The following CHRM3 variants were observed in gnomAD, a reference collection of about 807,000 sequenced individuals.
The protein encoded by CHRM3 is cholinergic receptor muscarinic 3, also known as muscarinic acetylcholine receptor M3.
In CHRM3, 11 loss-of-function variants were observed where a neutral mutation model predicts 41.8. The ratio of observed to expected loss-of-function variants is 0.26; its 90% CI spans 0.17 to 0.44. CHRM3 has a LOEUF of 0.44. CHRM3 is among the 20% of genes least tolerant of loss of function. The probability of loss-of-function intolerance (pLI) is 1.00; values close to 1 mark genes in which losing one functional copy is unlikely to be tolerated. For missense variants in CHRM3, 571 were observed against 745.4 expected, an observed-to-expected ratio of 0.77 and a Z score of 2.72; for synonymous variants, 297 against 301.4, an observed-to-expected ratio of 0.99 and a Z score of 0.15.
At chr1:239,716,363 T>A (rs992952860) in intron 5 of CHRM3, among the ~76,000 whole-genome samples, 1 of 152,046 alleles carries the variant, frequency 6.6e-6, no homozygotes, top group Non-Finnish European at 1.5e-5. Context: ...GGGGTCTCCA[T>A]GATTGTGACT....
chr1:239,577,161 T>A (rs1419414891), intron 3 of CHRM3, among the ~76,000 whole-genome samples: 1 of 152,162 alleles, frequency 6.6e-6, no homozygotes, highest in Non-Finnish European at 1.5e-5. Context: ...ATTTTTTCTC[T>A]ACTTGTGTTG....
chr1:239,543,124 T>C (rs73116735), intron 2 of CHRM3, among the ~76,000 whole-genome samples: 1,802 of 152,314 alleles, frequency 0.012, 28 homozygotes, highest in African/African-American at 0.041. Flanking sequence ...TTCTGAAGAA[T>C]GGCACCTTTA....
intron 1 of CHRM3, among the ~76,000 whole-genome samples, chr1:239,460,463 T>C (rs1445522084): frequency 1.3e-5 from 2 of 152,178 alleles, no homozygotes; most frequent in African/African-American, 2.4e-5. Context: ...TAGTAGGTTG[T>C]TTTTAATCCA....
intron 5 of CHRM3, among the ~76,000 whole-genome samples, chr1:239,823,923 G>A (rs1040353225): frequency 3.9e-5 from 6 of 152,098 alleles, no homozygotes; most frequent in African/African-American, 9.7e-5. Context: ...AATTGTGGGC[G>A]GAATTAGATC....
At chr1:239,881,084 C>G (rs1677552817) in intron 6 of CHRM3, among the ~76,000 whole-genome samples, 1 of 151,900 alleles carries the variant, frequency 6.6e-6, no homozygotes, top group Non-Finnish European at 1.5e-5. Flanking sequence ...GAGATCGAGA[C>G]CATCCTGGCT....
At chr1:239,753,035 T>C (rs1044682955) in intron 5 of CHRM3, among the ~76,000 whole-genome samples, 7 of 152,168 alleles carry the variant, frequency 4.6e-5, no homozygotes, top group Non-Finnish European at 1.0e-4. Context: ...AAAGAACTAT[T>C]TGGGTAATCT....
At chr1:239,681,189 G>A (rs1558448440) in intron 5 of CHRM3, among the ~76,000 whole-genome samples, 1 of 152,116 alleles carries the variant, frequency 6.6e-6, no homozygotes, top group Non-Finnish European at 1.5e-5. Context: ...TTCAAATTGG[G>A]TTTTGGGTGG....
chr1:239,564,045 T>G (rs1661127409), intron 3 of CHRM3, among the ~76,000 whole-genome samples: 1 of 152,210 alleles, frequency 6.6e-6, no homozygotes, highest in Admixed American at 6.5e-5. Flanking sequence ...CGAGATTCTT[T>G]AATGAGACAA....
chr1:239,787,069 A>T (rs1274393945), intron 5 of CHRM3, among the ~76,000 whole-genome samples: 2 of 152,228 alleles, frequency 1.3e-5, no homozygotes, highest in Admixed American at 6.5e-5. Context: ...GTGGTGCATG[A>T]GAAAAAAATT....
chr1:239,890,496 C>T (rs575054526), intron 6 of CHRM3, among the ~76,000 whole-genome samples: 1 of 152,022 alleles, frequency 6.6e-6, no homozygotes, highest in Non-Finnish European at 1.5e-5. Flanking sequence ...CTCATACATA[C>T]AATATTGAGA....
chr1:239,856,422 T>G (rs1031112371), intron 6 of CHRM3, among the ~76,000 whole-genome samples: 2 of 152,096 alleles, frequency 1.3e-5, no homozygotes, highest in African/African-American at 4.8e-5. Context: ...GGGTAGCACT[T>G]CCCTTTTCAT....
chr1:239,417,534 T>G (rs1661586368), intron 1 of CHRM3, among the ~76,000 whole-genome samples: 1 of 151,986 alleles, frequency 6.6e-6, no homozygotes, highest in African/African-American at 2.4e-5. Flanking sequence ...TAAATTATGT[T>G]TTAAAGCCAA....
chr1:239,843,796 T>A (rs1386303891), intron 6 of CHRM3, among the ~76,000 whole-genome samples: 1 of 152,102 alleles, frequency 6.6e-6, no homozygotes, highest in Admixed American at 6.6e-5. Flanking sequence ...TTTCAATAGA[T>A]CCTGGACAGG....
intron 2 of CHRM3, among the ~76,000 whole-genome samples, chr1:239,515,412 GTT>G (rs66467909): frequency 2.9e-5 from 4 of 135,992 alleles, no homozygotes; most frequent in Admixed American, 7.3e-5. Context: ...TGTTTTTTTT[GTT>G]TTTTTTTTTT....
At chr1:239,784,679 G>T (rs533513358) in intron 5 of CHRM3, among the ~76,000 whole-genome samples, 1 of 152,200 alleles carries the variant, frequency 6.6e-6, no homozygotes, top group African/African-American at 2.4e-5. Flanking sequence ...TAGAAGTTTT[G>T]ATTTTACCTT....
rs1351435140 is a variant in CHRM3 at position 239,397,688 on chromosome 1, TA to T, written c.-521+10462del. On this transcript the variant is annotated intron_variant, in intron 1 of 6. Transcript: ENST00000676153. ...CTCTGTCTCAAAAAATACATGTATT[TA>T]TATATATATATATATATTTCTATAA... Among the ~76,000 whole-genome samples, 28 of 1,546 alleles carry T rather than the reference TA, an allele frequency of 0.018. No individual in the cohort carries two copies. In the Non-Finnish European group the frequency reaches 0.5, roughly 28 times the overall value. The allele number at this position is 1,546 out of a possible 152,430, so 1.0% of individuals were successfully genotyped here. A position where few individuals can be genotyped will look rare whatever the true frequency, so the allele number is the denominator to read the frequency against.
At chr1:239,590,445 T>C (rs943526572) in intron 3 of CHRM3, among the ~76,000 whole-genome samples, 3 of 152,158 alleles carry the variant, frequency 2.0e-5, no homozygotes, top group Non-Finnish European at 2.9e-5. Flanking sequence ...CAAGTACATT[T>C]GGGAACCAAA....
At chr1:239,502,878 C>T (rs1452272808) in intron 2 of CHRM3, among the ~76,000 whole-genome samples, 3 of 152,146 alleles carry the variant, frequency 2.0e-5, no homozygotes, top group Non-Finnish European at 2.9e-5. Flanking sequence ...GATTAAAACT[C>T]TCAGCAAAAT....
chr1:239,446,855 A>G (rs754187594), intron 1 of CHRM3, among the ~76,000 whole-genome samples: 7 of 152,212 alleles, frequency 4.6e-5, no homozygotes, highest in Non-Finnish European at 7.3e-5. Context: ...TTCTAAGGGA[A>G]CATTTAGAAG....
Sources: gnomAD v4.1 joint callset for allele counts (sites outside exome capture counted in the v4.1 genomes callset) on GRCh38, gnomAD v4.1.1 for gene constraint, MANE v1.5 for transcripts, NCBI Gene and HGNC (gene_info 2026-07-23, HGNC 2026-07-21) for gene names.